Variants in EXOSC3 observed in about 807,000 individuals in gnomAD.
EXOSC3 encodes exosome complex component RRP40.
EXOSC3 carries 18 observed loss-of-function variants against 25.1 expected under a neutral mutation model. That is an observed-to-expected ratio of 0.72 (90% CI 0.50 to 1.06). The LOEUF (loss-of-function observed/expected upper bound fraction) is 1.06. EXOSC3 is among the 50% of genes least tolerant of loss of function. The pLI is 0.00. For missense variants in EXOSC3, 382 were observed against 350.9 expected (o/e 1.09, Z -0.71); for synonymous variants, 165 against 132.2 (o/e 1.25, Z -1.70).
Position 37,784,077 on chromosome 9 carries a change from C to T in EXOSC3, c.325-14G>A. On this transcript the variant is annotated splice_polypyrimidine_tract_variant and intron_variant, in intron 1 of 3. Transcript: ENST00000327304. ...TACTGGAACATACTACAAAAAGAAACAGAATGAAAAAACAGCCATAAATGA... is the reference window on the plus strand; with the variant it reads ...TACTGGAACATACTACAAAAAGAAATAGAATGAAAAAACAGCCATAAATGA... 6.3e-7 allele frequency: 1 copy of T among 1,595,812 alleles called. No homozygotes were observed. The highest frequency in any genetic ancestry group is 8.5e-7 in the Non-Finnish European group (1 of 1,172,650).
Position 37,783,898 on chromosome 9 carries a change from A to G in EXOSC3, c.474+16T>C, listed in dbSNP as rs1828645343. The G allele has an allele frequency of 3.7e-6, 6 of 1,604,886 alleles. No individual in the cohort carries two copies. Among genetic ancestry groups the G allele is most frequent in the Non-Finnish European group, 5.1e-6 (6 of 1,177,526 alleles). On this transcript the variant is annotated intron_variant, in intron 2 of 3. Coordinates refer to ENST00000327304, the MANE Select transcript of EXOSC3 (RefSeq NM_016042.4). ...TGGATGTTTGTTTCTTTGAAACCAAAGGCTCCCGTAATTACCTGCACATTT... is the reference window on the plus strand; with the variant it reads ...TGGATGTTTGTTTCTTTGAAACCAAGGGCTCCCGTAATTACCTGCACATTT...
chr9:37,779,771 A>G lies in EXOSC3; in HGVS notation c.*908T>C, dbSNP rs567605961. On this transcript the variant is annotated 3_prime_UTR_variant, in exon 4 of 4. Transcript: ENST00000327304. The stretch of plus-strand genomic sequence containing the variant: ...CTCTTTGATCCAAAAAGGACTTTCT[A>G]TGGATAGGCTTCAGGGGATCTGTAT... The G allele has an allele frequency of 1.3e-5, 2 of 152,358 alleles. No homozygotes were observed. Among genetic ancestry groups the G allele is most frequent in the East Asian group, 3.9e-4 (2 of 5,194 alleles). 9.4% of individuals were successfully genotyped at this position (152,358 alleles called of 1,614,324 possible). A position where few individuals can be genotyped will look rare whatever the true frequency, so the allele number is the denominator to read the frequency against.
intron 3 of EXOSC3, among the ~76,000 whole-genome samples, chr9:37,781,244 G>T (rs920239755): frequency 1.3e-5 from 2 of 151,756 alleles, no homozygotes; most frequent in African/African-American, 2.4e-5. Flanking sequence ...TTATTCTCTT[G>T]TGTTAAATTC....
upstream of EXOSC3, chr9:37,785,065 G>T (rs112035268): frequency 1.1e-5 from 18 of 1,576,204 alleles, no homozygotes; most frequent in African/African-American, 1.3e-4. Context: ...ACCAAACACC[G>T]TTTCCGGTAC....
intron 2 of EXOSC3, among the ~76,000 whole-genome samples, chr9:37,783,208 G>A (rs1250703375): frequency 6.6e-6 from 1 of 152,178 alleles, no homozygotes; most frequent in Non-Finnish European, 1.5e-5. Flanking sequence ...GTGTGAGGAT[G>A]TCAGCTCTCA....
In EXOSC3 at chr9:37,784,985, T is replaced by C; in HGVS notation, c.60A>G (p.Ala20=). The change falls in exon 1 of 4, where the codon GCA becomes GCG. Residue 20 remains alanine (A), a synonymous_variant. Coordinates refer to ENST00000327304, the MANE Select transcript of EXOSC3 (RefSeq NM_016042.4). ...ESLAGSRARA[A]RTVLGQVVLP... ...GCACCACCTGACCTAGTACTGTGCG[T>C]GCAGCGCGCGCCCTGCTGCCCGCGA... The C allele has an allele frequency of 3.7e-6, 6 of 1,611,400 alleles. No homozygotes were observed. Among genetic ancestry groups the C allele is most frequent in the Non-Finnish European group, 5.1e-6 (6 of 1,178,932 alleles).
At chr9:37,784,170 C>G in intron 1 of EXOSC3, 107 bp from the exon 2 acceptor site, 1 of 1,220,334 alleles carries the variant, frequency 8.2e-7, no homozygotes, top group Non-Finnish European at 1.1e-6. Context: ...AAAGAGAAAT[C>G]TGATCAAATG....
In EXOSC3 at chr9:37,784,077, C is replaced by A; in HGVS notation, c.325-14G>T. The A allele has an allele frequency of 6.3e-7, 1 of 1,595,800 alleles. No homozygotes were observed. Among genetic ancestry groups the A allele is most frequent in the Non-Finnish European group, 8.5e-7 (1 of 1,172,648 alleles). On this transcript the variant is annotated splice_polypyrimidine_tract_variant and intron_variant, in intron 1 of 3. Coordinates refer to ENST00000327304, the MANE Select transcript of EXOSC3 (RefSeq NM_016042.4). ...TACTGGAACATACTACAAAAAGAAACAGAATGAAAAAACAGCCATAAATGA... is the reference window on the plus strand; with the variant it reads ...TACTGGAACATACTACAAAAAGAAAAAGAATGAAAAAACAGCCATAAATGA...
upstream of EXOSC3, chr9:37,785,079 C>A (rs1450188622): frequency 1.3e-6 from 2 of 1,555,856 alleles, no homozygotes; most frequent in Non-Finnish European, 1.7e-6. Flanking sequence ...CCGGTACCCG[C>A]CTTCCGCTTC....
intron 3 of EXOSC3, 116 bp downstream of exon 3, chr9:37,781,870 T>A (rs1278551775): frequency 8.6e-7 from 1 of 1,160,342 alleles, no homozygotes; most frequent in Admixed American, 2.4e-5. Flanking sequence ...GATACTGATT[T>A]CTAACTCTGA....
Position 37,780,225 on chromosome 9 carries a change from A to G in EXOSC3, c.*454T>C, listed in dbSNP as rs1828544836. ...TTAGAATAAAGGAGTTAATCCATGC[A>G]AAACACAATACTTGGTAAATGAAAA... On this transcript the variant is annotated 3_prime_UTR_variant, in exon 4 of 4. Transcript: ENST00000327304. 1 of 159,458 alleles carries G rather than the reference A, an allele frequency of 6.3e-6. No individual in the cohort carries two copies. The highest frequency in any genetic ancestry group is 2.4e-5 in the African/African-American group (1 of 41,494). 9.9% of individuals were successfully genotyped at this position (159,458 alleles called of 1,614,324 possible).
At chr9:37,783,593 C>A (rs1589060635) in intron 2 of EXOSC3, among the ~76,000 whole-genome samples, 2 of 152,304 alleles carry the variant, frequency 1.3e-5, no homozygotes, top group Non-Finnish European at 2.9e-5. Flanking sequence ...TCTAAGCCTA[C>A]AGCAGACATC....
chr9:37,782,464 T>A (rs1828616669), intron 2 of EXOSC3, among the ~76,000 whole-genome samples: 1 of 152,246 alleles, frequency 6.6e-6, no homozygotes. Context: ...ATTAATTTCC[T>A]GAGTTGCATT....
intron 1 of EXOSC3, 117 bp from the exon 2 acceptor site, chr9:37,784,180 GC>G: frequency 9.1e-7 from 1 of 1,099,204 alleles, no homozygotes; most frequent in Non-Finnish European, 1.3e-6. Flanking sequence ...CTGATCAAAT[GC>G]CACTTTCGGT....
In EXOSC3 at chr9:37,780,110, CTA is replaced by C. The variant is rs1828538529; in HGVS notation, c.*567_*568del. 2 of 152,074 alleles carry C rather than the reference CTA, an allele frequency of 1.3e-5. No individual in the cohort carries two copies. The highest frequency in any genetic ancestry group is 6.5e-5 in the Admixed American group (1 of 15,280). 9.4% of individuals were successfully genotyped at this position (152,074 alleles called of 1,614,324 possible). The stretch of plus-strand genomic sequence containing the variant: ...CAAAGTGGCATATAAGCTATAATAA[CTA>C]TAATTTCAATTTGATGAATATAGAG... On this transcript the variant is annotated 3_prime_UTR_variant, in exon 4 of 4. Coordinates refer to ENST00000327304, the MANE Select transcript of EXOSC3 (RefSeq NM_016042.4).
At chr9:37,782,259 C>G (rs865834302) in intron 2 of EXOSC3, 122 bp from the exon 3 acceptor site, 4 of 964,220 alleles carry the variant, frequency 4.1e-6, no homozygotes, top group Middle Eastern at 4.3e-4. Context: ...ACTGACTGCA[C>G]TATAGGATTC....
At position 37,784,979 on chromosome 9, in the gene EXOSC3, T is replaced by A; in HGVS notation, c.66A>T (p.Thr22=). The A allele has an allele frequency of 6.2e-7, 1 of 1,611,560 alleles. No individual in the cohort carries two copies. Residue 22 remains threonine (T), a synonymous_variant, in exon 1 of 4, where the codon ACA becomes ACT. Coordinates refer to ENST00000327304, the MANE Select transcript of EXOSC3 (RefSeq NM_016042.4). ...LAGSRARAAR[T]VLGQVVLPGE... is the part of the protein sequence containing the mutation. ...CCGGGAGCACCACCTGACCTAGTAC[T>A]GTGCGTGCAGCGCGCGCCCTGCTGC...
Position 37,783,727 on chromosome 9 carries a change from AT to A in EXOSC3, c.474+186del, listed in dbSNP as rs113393314. 197 of 427,666 alleles carry A rather than the reference AT, an allele frequency of 4.6e-4. 1 individual carries two copies. The South Asian group carries it at 4.6e-3, about 10-fold the overall frequency. 26.5% of individuals were successfully genotyped at this position (427,666 alleles called of 1,614,324 possible). ...GTAAAATAAATTGTAAATGTAAAAA[AT>A]AATAATAATAATTATGTGGCTCTGA... On this transcript the variant is annotated intron_variant, in intron 2 of 3. Coordinates refer to ENST00000327304, the MANE Select transcript of EXOSC3 (RefSeq NM_016042.4).
In EXOSC3 at chr9:37,784,983, C is replaced by A. The variant is rs771457344; in HGVS notation, c.62G>T (p.Arg21Leu). The change falls in exon 1 of 4, where the codon CGC becomes CTC. Residue 21 changes from arginine (R) to leucine (L), a missense_variant. By Grantham distance (102) the Arg-to-Leu change is moderately radical. Coordinates refer to ENST00000327304, the MANE Select transcript of EXOSC3 (RefSeq NM_016042.4). ...SLAGSRARAA[R>L]TVLGQVVLPG... ...GAGCACCACCTGACCTAGTACTGTG[C>A]GTGCAGCGCGCGCCCTGCTGCCCGC... The A allele has an allele frequency of 6.8e-6, 11 of 1,611,278 alleles. No homozygotes were observed. Among genetic ancestry groups the A allele is most frequent in the Non-Finnish European group, 8.5e-7 (1 of 1,178,974 alleles).
Sources: allele counts gnomAD v4.1 joint callset (sites outside exome capture counted in the v4.1 genomes callset), GRCh38; gene constraint gnomAD v4.1.1; transcripts MANE v1.5; gene names NCBI Gene and HGNC (gene_info 2026-07-23, HGNC 2026-07-21).